SRGAP2B: variants seen among roughly 807,000 people sequenced by gnomAD.
SRGAP2B encodes SLIT-ROBO Rho GTPase activating protein 2B, also known as SLIT-ROBO Rho GTPase-activating protein 2B.
SRGAP2B carries 9 observed loss-of-function variants against 22.2 expected under a neutral mutation model. The ratio of observed to expected loss-of-function variants is 0.41; its 90% CI spans 0.24 to 0.71. The LOEUF (loss-of-function observed/expected upper bound fraction) is 0.71. Among genes scored for constraint, SRGAP2B ranks in the 30% least tolerant of loss-of-function variants. SRGAP2B has a pLI of 0.35. For synonymous variants in SRGAP2B, 36 were observed against 87.4 expected, an observed-to-expected ratio of 0.41 and a Z score of 3.28; for missense variants, 114 against 235.8, an observed-to-expected ratio of 0.48 and a Z score of 3.38.
rs1386605147 is a variant in SRGAP2B, at chr1:144,984,317, T to A, written c.260+10691A>T. On this transcript the variant is annotated intron_variant, in intron 3 of 9. Coordinates refer to ENST00000612199, the Ensembl canonical transcript of SRGAP2B. The stretch of plus-strand genomic sequence containing the variant: ...CCTGGGCAACAAGAGCGAAACTCCA[T>A]CTAAAAAAAAACCCAAACAACAACA... Among the ~76,000 whole-genome samples, 2 of 121,746 alleles carry A rather than the reference T, an allele frequency of 1.6e-5. 1 individual carries two copies. The highest frequency in any genetic ancestry group is 6.5e-5 in the African/African-American group (2 of 30,626). 79.9% of individuals were successfully genotyped at this position (121,746 alleles called of 152,430 possible). A position where few individuals can be genotyped will look rare whatever the true frequency, so the allele number is the denominator to read the frequency against.
chr1:144,954,793 C>T (rs1245298264), intron 4 of SRGAP2B, among the ~76,000 whole-genome samples: 1 of 150,114 alleles, frequency 6.7e-6, no homozygotes, highest in Non-Finnish European at 1.5e-5. Flanking sequence ...CAAGGAAGTA[C>T]GATAACAATT....
At chr1:144,985,577 T>C (rs1424420203) in intron 3 of SRGAP2B, among the ~76,000 whole-genome samples, 1 of 150,550 alleles carries the variant, frequency 6.6e-6, no homozygotes, top group Non-Finnish European at 1.5e-5. Flanking sequence ...CAGATTCCAC[T>C]TAAAAGAGAC....
chr1:145,016,852 T>G (rs66491861), intron 2 of SRGAP2B, among the ~76,000 whole-genome samples: 2,734 of 151,084 alleles, frequency 0.018, 103 homozygotes, highest in East Asian at 0.066. Context: ...GTTTTTTTTT[T>G]TTTGTTTTTT....
At chr1:144,925,727 AAAAG>A (rs202130146) in intron 4 of SRGAP2B, among the ~76,000 whole-genome samples, 19,229 of 102,888 alleles carry the variant, frequency 0.19, 616 homozygotes, top group Non-Finnish European at 0.2. Flanking sequence ...AGAGAGAAAG[AAAAG>A]AAAGAAAGAA....
chr1:145,005,794 G>A (rs1183951940), intron 2 of SRGAP2B, among the ~76,000 whole-genome samples: 1 of 147,362 alleles, frequency 6.8e-6, no homozygotes, highest in African/African-American at 2.6e-5. Flanking sequence ...CCATTTAGGT[G>A]GAAAGCAAAG....
rs181931309 is a variant in SRGAP2B, at chr1:144,939,711, T to C, written c.423+15728A>G. Among the ~76,000 whole-genome samples, 22 of 149,756 alleles carry C rather than the reference T, an allele frequency of 1.5e-4. 1 individual carries two copies. Among genetic ancestry groups the C allele is most frequent in the African/African-American group, 5.5e-4 (22 of 39,708 alleles). ...TACTTTTTTTTTTTCCTTCAGTCCC[T>C]GAAAGCTCAGGTAGACTATGTGGTT... On this transcript the variant is annotated intron_variant, in intron 4 of 9. Transcript: ENST00000612199.
At chr1:145,063,167 TTTC>T (rs1311306960) in intron 2 of SRGAP2B, among the ~76,000 whole-genome samples, 1 of 116,824 alleles carries the variant, frequency 8.6e-6, no homozygotes, top group Non-Finnish European at 1.7e-5. Flanking sequence ...TTCAACTTAT[TTTC>T]TTCATTAGGG....
At chr1:144,960,773 TAC>T (rs1483574175) in intron 3 of SRGAP2B, among the ~76,000 whole-genome samples, 4 of 115,326 alleles carry the variant, frequency 3.5e-5, no homozygotes, top group Admixed American at 2.8e-4. Flanking sequence ...TAATAATTGC[TAC>T]GTTCATGGCT....
Position 144,910,585 on chromosome 1 carries a change from G to T in SRGAP2B, c.486+4107C>A, listed in dbSNP as rs1245702157. ...CCTCTGGAATAACAACAGCCCCAAA[G>T]TGTCCCAAAGCCTCTTTTTTCTCAA... On this transcript the variant is annotated intron_variant, in intron 5 of 9. Coordinates refer to ENST00000612199, the Ensembl canonical transcript of SRGAP2B. Among the ~76,000 whole-genome samples, 784 of 146,516 alleles carry T rather than the reference G, an allele frequency of 5.4e-3. 24 individuals are homozygous for T. The highest frequency in any genetic ancestry group is 0.019 in the African/African-American group (727 of 37,688).
chr1:144,911,417 C>T (rs1368180678), intron 5 of SRGAP2B, among the ~76,000 whole-genome samples: 1 of 150,360 alleles, frequency 6.7e-6, no homozygotes, highest in Non-Finnish European at 1.5e-5. Context: ...GATAAAACCA[C>T]TCTCCCATGC....
At chr1:144,943,271 C>T (rs1396610004) in intron 4 of SRGAP2B, among the ~76,000 whole-genome samples, 2 of 144,624 alleles carry the variant, frequency 1.4e-5, no homozygotes, top group Non-Finnish European at 3.0e-5. Context: ...GCATTAGATA[C>T]TGGCTTGGAC....
intron 2 of SRGAP2B, among the ~76,000 whole-genome samples, chr1:145,006,083 T>C (rs1553621013): frequency 1.3e-5 from 2 of 150,826 alleles, no homozygotes; most frequent in South Asian, 2.1e-4. Flanking sequence ...GACAGTGCAT[T>C]GCCTTCTACC....
chr1:145,001,859 A>C (rs1553619934), intron 2 of SRGAP2B, among the ~76,000 whole-genome samples: 1 of 150,354 alleles, frequency 6.7e-6, no homozygotes, highest in Non-Finnish European at 1.5e-5. Flanking sequence ...CAGCTCTACA[A>C]AATTTTTTTT....
rs1170871889 is a variant in SRGAP2B at position 144,965,949 on chromosome 1, T to C, written c.261-10348A>G. Among the ~76,000 whole-genome samples, 22 of 150,542 alleles carry C rather than the reference T, an allele frequency of 1.5e-4. 1 individual carries two copies. The East Asian group carries it at 3.7e-3, about 25-fold the overall frequency. On this transcript the variant is annotated intron_variant, in intron 3 of 9. Coordinates refer to ENST00000612199, the Ensembl canonical transcript of SRGAP2B. ...AAGGGAAGTTTAGAGAAAAAAAGAA[T>C]AAAAAGAAATGAGCAAAGCCTCCAA...
At chr1:144,933,216 G>A (rs1665343749) in intron 4 of SRGAP2B, among the ~76,000 whole-genome samples, 1 of 146,068 alleles carries the variant, frequency 6.8e-6, no homozygotes, top group East Asian at 2.1e-4. Flanking sequence ...TGATTTGAAT[G>A]TGTGTTGAAA....
At chr1:145,002,311 G>A (rs1439905837) in intron 2 of SRGAP2B, among the ~76,000 whole-genome samples, 19 of 54,466 alleles carry the variant, frequency 3.5e-4, no homozygotes, top group Non-Finnish European at 6.4e-4. Flanking sequence ...AAGCAGAGCT[G>A]AGAGATGGGG....
At chr1:144,991,082 G>C (rs1208793741) in intron 3 of SRGAP2B, among the ~76,000 whole-genome samples, 1 of 150,988 alleles carries the variant, frequency 6.6e-6, no homozygotes, top group Non-Finnish European at 1.5e-5. Flanking sequence ...GCCCCGGTGC[G>C]GGATCCACTA....
intron 2 of SRGAP2B, among the ~76,000 whole-genome samples, chr1:145,089,079 CG>C (rs1271095131): frequency 4.0e-5 from 6 of 151,334 alleles, no homozygotes; most frequent in African/African-American, 1.5e-4. Flanking sequence ...ATAGGTTATA[CG>C]TAAATACCAC....
intron 4 of SRGAP2B, among the ~76,000 whole-genome samples, chr1:144,942,545 G>A (rs1184051088): frequency 6.6e-6 from 1 of 150,602 alleles, no homozygotes; most frequent in Non-Finnish European, 1.5e-5. Flanking sequence ...TAAGCCTCCT[G>A]AGTAGCTGAG....
Sources: allele counts gnomAD v4.1 joint callset (sites outside exome capture counted in the v4.1 genomes callset), GRCh38; gene constraint gnomAD v4.1.1; transcripts MANE v1.5; gene names NCBI Gene and HGNC (gene_info 2026-07-23, HGNC 2026-07-21).